The following GYPC variants were observed in gnomAD, a reference collection of about 807,000 sequenced individuals.
The protein encoded by GYPC is glycophorin C (Gerbich blood group).
In GYPC, 14 loss-of-function variants were observed where a neutral mutation model predicts 12.6. The ratio of observed to expected loss-of-function variants is 1.11; its 90% CI spans 0.74 to 1.74. The LOEUF (loss-of-function observed/expected upper bound fraction) is 1.74. GYPC is among the 40% of genes most tolerant of loss of function. The probability of loss-of-function intolerance (pLI) is 0.00; values close to 1 mark genes in which losing one functional copy is unlikely to be tolerated. For missense variants in GYPC, 225 were observed against 172.1 expected (o/e 1.31, Z -1.72); for synonymous variants, 78 against 62.1 (o/e 1.26, Z -1.20).
In GYPC at chr2:126,690,278, G is replaced by A; in HGVS notation, c.73G>A (p.Ala25Thr). The change falls in exon 2 of 4, where the codon GCC becomes ACC. Residue 25 changes from alanine to threonine, a missense_variant. Ala to Thr is a moderately conservative substitution (Grantham distance 58). Coordinates refer to ENST00000259254, the MANE Select transcript of GYPC (RefSeq NM_002101.5). ...SLEPDPGMASASTTMHTTTIA... is the reference protein window; with the variant it reads ...SLEPDPGMASTSTTMHTTTIA... ...AGAGCCTGATCCGGGGATGGCCTCT[G>A]CCTCCACCACAATGCATACTACCAC... 1 of 1,613,276 alleles carries A rather than the reference G, an allele frequency of 6.2e-7. No homozygotes were observed. The highest frequency in any genetic ancestry group is 8.5e-7 in the Non-Finnish European group (1 of 1,179,210).
chr2:126,672,635 G>A (rs6736203), intron 1 of GYPC, among the ~76,000 whole-genome samples: 34,877 of 152,072 alleles, frequency 0.23, 4,778 homozygotes, highest in East Asian at 0.41. Flanking sequence ...GGGTCAGTGC[G>A]AGCCCTGGAG....
intron 1 of GYPC, among the ~76,000 whole-genome samples, chr2:126,681,935 G>A (rs185294538): frequency 4.6e-5 from 7 of 152,338 alleles, no homozygotes; most frequent in African/African-American, 9.6e-5. Flanking sequence ...ACAGCAGGGC[G>A]GCCAGATGCC....
chr2:126,696,096 C>A lies in GYPC; in HGVS notation c.341C>A (p.Ala114Asp). The A allele has an allele frequency of 1.2e-6, 2 of 1,614,114 alleles. No individual in the cohort carries two copies. Among genetic ancestry groups the A allele is most frequent in the Non-Finnish European group, 1.7e-6 (2 of 1,179,950 alleles). Residue 114 changes from alanine to aspartate, a missense_variant, in exon 4 of 4, where the codon GCC becomes GAC. Coordinates refer to ENST00000259254, the MANE Select transcript of GYPC (RefSeq NM_002101.5). Reference sequence around the variant, plus strand: ...GATGCAGCCCTGCAGGGAGACCCTGCCCTCCAAGATGCTGGTGATAGCAGC... The same window carrying A: ...GATGCAGCCCTGCAGGGAGACCCTGACCTCCAAGATGCTGGTGATAGCAGC... Reference protein sequence around the residue: ...SADAALQGDPALQDAGDSSRK... With the variant: ...SADAALQGDPDLQDAGDSSRK...
At chr2:126,687,376 T>C (rs1460431899) in intron 1 of GYPC, among the ~76,000 whole-genome samples, 4 of 152,170 alleles carry the variant, frequency 2.6e-5, no homozygotes, top group African/African-American at 7.2e-5. Flanking sequence ...CTTCAGTAGG[T>C]CTGGGCTGGG....
intron 1 of GYPC, among the ~76,000 whole-genome samples, chr2:126,673,432 C>T (rs1021657780): frequency 2.6e-5 from 4 of 152,108 alleles, no homozygotes; most frequent in African/African-American, 7.2e-5. Flanking sequence ...CTGAGCCCTC[C>T]GTGTGCCAGT....
intron 1 of GYPC, among the ~76,000 whole-genome samples, chr2:126,685,489 A>G (rs956840463): frequency 1.3e-5 from 2 of 151,752 alleles, no homozygotes; most frequent in African/African-American, 4.8e-5. Context: ...GGTTCAAGTG[A>G]TTCTCCTGCC....
At chr2:126,670,315 TGGA>T (rs1558881838) in intron 1 of GYPC, among the ~76,000 whole-genome samples, 1 of 152,206 alleles carries the variant, frequency 6.6e-6, no homozygotes, top group Non-Finnish European at 1.5e-5. Flanking sequence ...CAGGATTGCC[TGGA>T]GAAGTCTCAC....
intron 1 of GYPC, among the ~76,000 whole-genome samples, chr2:126,662,162 A>G (rs1201026884): frequency 6.6e-6 from 1 of 152,200 alleles, no homozygotes; most frequent in East Asian, 1.9e-4. Flanking sequence ...GAGCACATGT[A>G]TTCTCAGCAC....
chr2:126,690,344 G>C (rs754534911), intron 2 of GYPC, 33 bp downstream of exon 2: 13 of 1,515,376 alleles, frequency 8.6e-6, no homozygotes, highest in Admixed American at 1.7e-5. Context: ...CACCATAATG[G>C]AAACTGCCGT....
At chr2:126,675,099 C>G (rs1682959194) in intron 1 of GYPC, among the ~76,000 whole-genome samples, 1 of 152,070 alleles carries the variant, frequency 6.6e-6, no homozygotes, top group African/African-American at 2.4e-5. Flanking sequence ...TGAGTGGCTC[C>G]TGCTGAGCAC....
intron 1 of GYPC, among the ~76,000 whole-genome samples, chr2:126,677,332 T>G (rs1483746572): frequency 2.1e-5 from 3 of 141,228 alleles, no homozygotes; most frequent in African/African-American, 7.5e-5. Context: ...TGTGTGATAG[T>G]GTGTAAGAAA....
intron 1 of GYPC, chr2:126,686,785 T>G: frequency 1.2e-6 from 1 of 805,228 alleles, no homozygotes; most frequent in Non-Finnish European, 1.5e-6. Flanking sequence ...TGTCTATTTC[T>G]GATACCAGAC....
intron 1 of GYPC, among the ~76,000 whole-genome samples, chr2:126,656,893 G>C (rs1181858621): frequency 2.0e-5 from 3 of 152,230 alleles, no homozygotes; most frequent in Non-Finnish European, 4.4e-5. Context: ...TTCTTGCTGA[G>C]AGGAAATCAT....
At chr2:126,668,643 A>T (rs1199404766) in intron 1 of GYPC, among the ~76,000 whole-genome samples, 19 of 152,250 alleles carry the variant, frequency 1.2e-4, no homozygotes, top group Non-Finnish European at 2.8e-4. Flanking sequence ...GAAATCTGAA[A>T]TGTTAAAAAA....
intron 3 of GYPC, among the ~76,000 whole-genome samples, chr2:126,694,215 G>T (rs1197370625): frequency 1.3e-5 from 2 of 152,182 alleles, no homozygotes; most frequent in Non-Finnish European, 2.9e-5. Context: ...AGAGGCAGCA[G>T]TTTTGGTGAA....
chr2:126,680,730 T>C (rs1683128968), intron 1 of GYPC, among the ~76,000 whole-genome samples: 1 of 152,222 alleles, frequency 6.6e-6, no homozygotes, highest in Non-Finnish European at 1.5e-5. Context: ...GGTCACTGAA[T>C]GTACTGTCTC....
intron 1 of GYPC, among the ~76,000 whole-genome samples, chr2:126,677,357 G>T (rs13025872): frequency 0.093 from 13,945 of 150,232 alleles, 705 homozygotes; most frequent in Middle Eastern, 0.16. Context: ...GTGTGTGTGA[G>T]TGTGAGAGAA....
At chr2:126,676,201 G>A (rs1267962196) in intron 1 of GYPC, among the ~76,000 whole-genome samples, 1 of 152,204 alleles carries the variant, frequency 6.6e-6, no homozygotes, top group Non-Finnish European at 1.5e-5. Context: ...CTTTATCAAG[G>A]AAATTAGCAC....
intron 3 of GYPC, among the ~76,000 whole-genome samples, chr2:126,694,624 G>A (rs1293576098): frequency 2.0e-5 from 3 of 152,164 alleles, no homozygotes; most frequent in African/African-American, 2.4e-5. Flanking sequence ...TTGCACCACT[G>A]AGCTTTTATT....
Sources: gnomAD v4.1 joint callset for allele counts (sites outside exome capture counted in the v4.1 genomes callset) on GRCh38, gnomAD v4.1.1 for gene constraint, MANE v1.5 for transcripts, NCBI Gene and HGNC (gene_info 2026-07-23, HGNC 2026-07-21) for gene names.